LTBP1: variants seen among roughly 807,000 people sequenced by gnomAD.
The protein encoded by LTBP1 is latent-transforming growth factor beta-binding protein 1.
LTBP1 carries 129 observed loss-of-function variants against 207.6 expected under a neutral mutation model. That is an observed-to-expected ratio of 0.62 (90% CI 0.54 to 0.72). The LOEUF (loss-of-function observed/expected upper bound fraction) is 0.72. LTBP1 is among the 30% of genes least tolerant of loss of function. The pLI, the probability that LTBP1 is intolerant of heterozygous loss-of-function variation, is 0.00. For missense variants in LTBP1, 2,281 were observed against 2,217.2 expected (o/e 1.03, Z -0.58); for synonymous variants, 963 against 833.7 (o/e 1.16, Z -2.67).
Position 33,143,124 on chromosome 2 carries a change from C to T in LTBP1, c.1201+8164C>T, listed in dbSNP as rs537575618. 3.2e-3 allele frequency among the ~76,000 whole-genome samples: 483 copies of T among 152,266 alleles called. 2 individuals carry two copies. Among genetic ancestry groups the T allele is most frequent in the Non-Finnish European group, 3.4e-3 (232 of 68,016 alleles). ...CGGGGTGTCTTGTGCTCCTGTGTCT[C>T]TGTGCACACTGCTCTCTCTGCCTGG... On this transcript the variant is annotated intron_variant, in intron 5 of 33. Transcript: ENST00000404816.
At chr2:33,279,208 A>G (rs1202356867) in intron 18 of LTBP1, among the ~76,000 whole-genome samples, 1 of 152,216 alleles carries the variant, frequency 6.6e-6, no homozygotes, top group Admixed American at 6.5e-5. Context: ...AAATGCAGCT[A>G]GAAGCCATGG....
rs1359125699 is a variant in LTBP1 at position 33,134,806 on chromosome 2, T to G, written c.1047T>G (p.Thr349=). Residue 349 remains threonine (T), a synonymous_variant, in exon 5 of 34, where the codon ACT becomes ACG. Coordinates refer to ENST00000404816, the MANE Select transcript of LTBP1 (RefSeq NM_206943.4). This position sits in a 1 kb window ranked among gnomAD's most constrained non-coding sequence, Gnocchi z 4.4. ...CTCCGCTCCTAGTGAGTAACCACACTGGCCGCATCAAGGTGGTCTTTACTC... is the reference window on the plus strand; with the variant it reads ...CTCCGCTCCTAGTGAGTAACCACACGGGCCGCATCAAGGTGGTCTTTACTC... ...VAAPFQLSNH[T]GRIKVVFTPS... The G allele has an allele frequency of 5.0e-6, 8 of 1,614,066 alleles. No homozygotes were observed. Among genetic ancestry groups the G allele is most frequent in the African/African-American group, 1.3e-5 (1 of 74,924 alleles).
intron 22 of LTBP1, among the ~76,000 whole-genome samples, 157 bp downstream of exon 22, chr2:33,301,801 C>CA (rs1484130897): frequency 5.9e-5 from 9 of 152,278 alleles, no homozygotes; most frequent in Admixed American, 5.9e-4. Context: ...ACAAATAATT[C>CA]AAAGAAGGGA....
intron 11 of LTBP1, among the ~76,000 whole-genome samples, chr2:33,256,321 C>T (rs1033743849): frequency 2.0e-5 from 3 of 152,056 alleles, no homozygotes; most frequent in Non-Finnish European, 1.5e-5. Flanking sequence ...CTCACTATCC[C>T]GAGATTCTCC....
chr2:33,379,572 C>T (rs2095189105), intron 31 of LTBP1, among the ~76,000 whole-genome samples: 1 of 152,122 alleles, frequency 6.6e-6, no homozygotes, highest in African/African-American at 2.4e-5. Context: ...AAATCACTGC[C>T]AGAGGCAGAA....
At chr2:33,151,374 T>A (rs2083506701) in intron 5 of LTBP1, among the ~76,000 whole-genome samples, 4 of 152,210 alleles carry the variant, frequency 2.6e-5, no homozygotes, top group Admixed American at 6.5e-5. Context: ...ACCAGCAGTG[T>A]GTGAGGGTTC....
chr2:33,219,443 G>A (rs1417985235), intron 8 of LTBP1, among the ~76,000 whole-genome samples: 1 of 152,184 alleles, frequency 6.6e-6, no homozygotes. Flanking sequence ...AAGTTAGGTA[G>A]CCCTGAGTTC....
chr2:32,970,471 G>T (rs951619668), intron 2 of LTBP1, among the ~76,000 whole-genome samples: 1 of 152,108 alleles, frequency 6.6e-6, no homozygotes, highest in African/African-American at 2.4e-5. Flanking sequence ...TCAATCTTCT[G>T]CATGTGGCTA....
At chr2:33,083,410 A>G (rs947210017) in intron 3 of LTBP1, among the ~76,000 whole-genome samples, 1 of 152,132 alleles carries the variant, frequency 6.6e-6, no homozygotes, top group Non-Finnish European at 1.5e-5. Context: ...AGACATCAAA[A>G]TTGAGGAGTC....
At chr2:33,076,659 C>T (rs1003651024) in intron 3 of LTBP1, among the ~76,000 whole-genome samples, 1 of 152,088 alleles carries the variant, frequency 6.6e-6, no homozygotes, top group African/African-American at 2.4e-5. Flanking sequence ...ACCTCAGCCT[C>T]CCAAGTAGCT....
At chr2:33,282,086 T>A (rs953001232) in intron 19 of LTBP1, among the ~76,000 whole-genome samples, 5 of 140,030 alleles carry the variant, frequency 3.6e-5, no homozygotes, top group African/African-American at 1.3e-4. Context: ...TATATATATA[T>A]ATAAACTTTA....
chr2:33,360,490 C>T, intron 26 of LTBP1, 107 bp from the exon 27 acceptor site: 1 of 664,204 alleles, frequency 1.5e-6, no homozygotes. Context: ...TTCTATAAAG[C>T]AAATGCTATT....
chr2:33,245,024 A>G (rs755493274), intron 10 of LTBP1, among the ~76,000 whole-genome samples: 29 of 152,146 alleles, frequency 1.9e-4, no homozygotes, highest in African/African-American at 6.5e-4. Flanking sequence ...GATTATGGGC[A>G]TGTGCTACCA....
At chr2:33,201,774 G>A (rs2089310774) in intron 7 of LTBP1, among the ~76,000 whole-genome samples, 1 of 152,156 alleles carries the variant, frequency 6.6e-6, no homozygotes, top group South Asian at 2.1e-4. Flanking sequence ...TGAAATCATT[G>A]TGAAAACTCT....
intron 7 of LTBP1, among the ~76,000 whole-genome samples, chr2:33,204,768 C>T (rs1175690447): frequency 6.6e-6 from 1 of 152,090 alleles, no homozygotes; most frequent in African/African-American, 2.4e-5. Flanking sequence ...CTTCGTAAGA[C>T]AATGCATTTT....
intron 2 of LTBP1, among the ~76,000 whole-genome samples, chr2:32,997,738 T>C (rs1485315641): frequency 6.6e-6 from 1 of 152,184 alleles, no homozygotes; most frequent in East Asian, 1.9e-4. Flanking sequence ...CCAGCAGATG[T>C]GCAGACCAGC....
At chr2:32,966,162 C>T (rs140344208) in intron 2 of LTBP1, among the ~76,000 whole-genome samples, 99 of 152,016 alleles carry the variant, frequency 6.5e-4, no homozygotes, top group African/African-American at 2.3e-3. Flanking sequence ...GGTCTTTTGC[C>T]CATTTTTTAA....
chr2:33,222,215 T>C (rs2091155421), intron 9 of LTBP1, 64 bp downstream of exon 9: 1 of 1,195,984 alleles, frequency 8.4e-7, no homozygotes, highest in South Asian at 1.2e-5. Context: ...GAAACTTCAG[T>C]TGTTTGCCAC....
chr2:33,328,456 C>G (rs192970915), intron 24 of LTBP1, among the ~76,000 whole-genome samples: 15 of 152,264 alleles, frequency 9.9e-5, no homozygotes, highest in African/African-American at 3.6e-4. Context: ...TTAATTAATT[C>G]ACAGTTCATT....
Sources: allele counts gnomAD v4.1 joint callset (sites outside exome capture counted in the v4.1 genomes callset), GRCh38; gene constraint gnomAD v4.1.1; non-coding constraint Gnocchi (gnomAD v3.1); transcripts MANE v1.5; gene names NCBI Gene and HGNC (gene_info 2026-07-23, HGNC 2026-07-21).